The following GNAQ variants were observed in gnomAD, a reference collection of about 807,000 sequenced individuals.
GNAQ encodes the protein G protein subunit alpha q, also known as guanine nucleotide-binding protein G(q) subunit alpha.
A neutral mutation model predicts 43.9 loss-of-function variants in GNAQ; 8 were observed. That is an observed-to-expected ratio of 0.18 (90% CI 0.11 to 0.33). The LOEUF (loss-of-function observed/expected upper bound fraction) is 0.33, where lower values mean the gene tolerates loss of function less well. GNAQ is among the 10% of genes least tolerant of loss of function. The pLI is 1.00. For missense variants in GNAQ, 158 were observed against 450.8 expected (o/e 0.35, Z 5.88); for synonymous variants, 155 against 170.7 (o/e 0.91, Z 0.71).
At chr9:77,739,151 C>T (rs1156430847) in intron 5 of GNAQ, among the ~76,000 whole-genome samples, 3 of 152,040 alleles carry the variant, frequency 2.0e-5, no homozygotes, top group Non-Finnish European at 2.9e-5. Context: ...TGATTGTTTC[C>T]TCTTAAGCGG....
intron 2 of GNAQ, among the ~76,000 whole-genome samples, chr9:77,870,159 C>T (rs960493896): frequency 1.3e-5 from 2 of 152,094 alleles, no homozygotes; most frequent in South Asian, 2.1e-4. Context: ...AAGTGATCTT[C>T]TACATTGAGA....
intron 2 of GNAQ, among the ~76,000 whole-genome samples, chr9:77,851,818 T>C (rs1827679247): frequency 6.6e-6 from 1 of 152,184 alleles, no homozygotes; most frequent in Non-Finnish European, 1.5e-5. Flanking sequence ...AGTCCATCGT[T>C]TCCAACCCAT....
chr9:77,827,127 T>C (rs1024576513), intron 2 of GNAQ, among the ~76,000 whole-genome samples: 2 of 152,162 alleles, frequency 1.3e-5, no homozygotes, highest in East Asian at 1.9e-4. Flanking sequence ...AGAAAAGGTT[T>C]TTTTTTCTCT....
intron 5 of GNAQ, among the ~76,000 whole-genome samples, chr9:77,735,976 C>G (rs569645871): frequency 6.6e-6 from 1 of 152,304 alleles, no homozygotes; most frequent in South Asian, 2.1e-4. Context: ...CCTGAGCACA[C>G]AGTAGCCTTC....
At chr9:77,988,125 A>T (rs927435405) in intron 1 of GNAQ, among the ~76,000 whole-genome samples, 3 of 152,246 alleles carry the variant, frequency 2.0e-5, no homozygotes, top group Non-Finnish European at 4.4e-5. Flanking sequence ...CAGAGCAGAG[A>T]GTGGAGTCAA....
chr9:77,811,949 A>AC (rs1251779867), intron 3 of GNAQ, among the ~76,000 whole-genome samples: 1 of 152,158 alleles, frequency 6.6e-6, no homozygotes, highest in Admixed American at 6.5e-5. Context: ...AATGAAGGAA[A>AC]CAAACCTCCC....
intron 6 of GNAQ, among the ~76,000 whole-genome samples, chr9:77,726,471 T>TA (rs1371906242): frequency 3.3e-5 from 5 of 152,192 alleles, no homozygotes; most frequent in Non-Finnish European, 7.4e-5. Flanking sequence ...GCCAGGACTG[T>TA]ACCACATTCC....
rs115114450 is a variant in GNAQ at position 77,925,015 on chromosome 9, T to A, written c.137-2670A>T. ...CCTCGCTGCAGTGGCAGCACAGGTG[T>A]GCTATGTTGCCTTCAAAAGGTCCCA... On this transcript the variant is annotated intron_variant, in intron 1 of 6. Coordinates refer to ENST00000286548, the MANE Select transcript of GNAQ (RefSeq NM_002072.5). 4.8e-3 allele frequency among the ~76,000 whole-genome samples: 728 copies of A among 152,122 alleles called. 6 individuals are homozygous for A. The highest frequency in any genetic ancestry group is 0.016 in the African/African-American group (675 of 41,500).
At chr9:78,024,861 T>A (rs1163710465) in intron 1 of GNAQ, among the ~76,000 whole-genome samples, 1 of 152,192 alleles carries the variant, frequency 6.6e-6, no homozygotes, top group African/African-American at 2.4e-5. Context: ...TTAGAGGAAA[T>A]ATTTTTTAAT....
intron 1 of GNAQ, among the ~76,000 whole-genome samples, chr9:77,936,919 G>T (rs890613581): frequency 1.3e-5 from 2 of 152,100 alleles, no homozygotes; most frequent in African/African-American, 4.8e-5. Context: ...CCACAAACTA[G>T]AGTTGAGAAT....
intron 3 of GNAQ, among the ~76,000 whole-genome samples, chr9:77,811,098 T>C (rs936715274): frequency 6.6e-6 from 1 of 152,010 alleles, no homozygotes; most frequent in African/African-American, 2.4e-5. Context: ...GCAGGGAGAT[T>C]CTCCTAATAC....
At chr9:77,862,091 T>C (rs2117978464) in intron 2 of GNAQ, among the ~76,000 whole-genome samples, 1 of 150,764 alleles carries the variant, frequency 6.6e-6, no homozygotes, top group African/African-American at 2.4e-5. Flanking sequence ...CTTTGCAGGG[T>C]ATACCCCTCT....
intron 5 of GNAQ, among the ~76,000 whole-genome samples, chr9:77,731,388 C>A (rs1825486595): frequency 6.6e-6 from 1 of 152,184 alleles, no homozygotes; most frequent in Non-Finnish European, 1.5e-5. Context: ...AGTACTGCTG[C>A]ACTGGGGCTG....
At chr9:77,914,828 C>CAAAAAAAA (rs71503232) in intron 2 of GNAQ, among the ~76,000 whole-genome samples, 2 of 98,114 alleles carry the variant, frequency 2.0e-5, no homozygotes, top group Non-Finnish European at 4.4e-5. Context: ...TTTTGAACAC[C>CAAAAAAAA]AAAAAAAAAA....
At chr9:77,927,900 A>G (rs1302417261) in intron 1 of GNAQ, among the ~76,000 whole-genome samples, 1 of 152,134 alleles carries the variant, frequency 6.6e-6, no homozygotes, top group Non-Finnish European at 1.5e-5. Flanking sequence ...AACAAAACCC[A>G]AGACTCATGG....
chr9:77,944,945 T>C (rs1304210512), intron 1 of GNAQ, among the ~76,000 whole-genome samples: 1 of 152,194 alleles, frequency 6.6e-6, no homozygotes, highest in Non-Finnish European at 1.5e-5. Flanking sequence ...GGCTGTCCCA[T>C]CCAAGAACAC....
intron 1 of GNAQ, among the ~76,000 whole-genome samples, chr9:78,017,298 A>T (rs1488950612): frequency 3.9e-5 from 6 of 152,194 alleles, no homozygotes; most frequent in African/African-American, 1.2e-4. Context: ...AATGATCAAA[A>T]CTGGCTTTCG....
chr9:77,755,964 C>T (rs564884270), intron 5 of GNAQ, among the ~76,000 whole-genome samples: 2 of 152,214 alleles, frequency 1.3e-5, no homozygotes, highest in South Asian at 4.1e-4. Flanking sequence ...GAAAGGCAGA[C>T]CCTTCCTCAG....
At chr9:77,800,286 C>T (rs905798755) in intron 3 of GNAQ, among the ~76,000 whole-genome samples, 9 of 151,768 alleles carry the variant, frequency 5.9e-5, no homozygotes, top group Admixed American at 2.6e-4. Flanking sequence ...ATGTTTATTG[C>T]GGCATTATTC....
Sources: allele counts gnomAD v4.1 joint callset (sites outside exome capture counted in the v4.1 genomes callset), GRCh38; gene constraint gnomAD v4.1.1; transcripts MANE v1.5; gene names NCBI Gene and HGNC (gene_info 2026-07-23, HGNC 2026-07-21).